The following ACTN2 variants were observed in gnomAD, a reference collection of about 807,000 sequenced individuals.
The protein encoded by ACTN2 is actinin alpha 2, also known as alpha-actinin-2.
A neutral mutation model predicts 113.8 loss-of-function variants in ACTN2; 39 were observed. The ratio of observed to expected loss-of-function variants is 0.34; its 90% CI spans 0.27 to 0.45. ACTN2 has a LOEUF of 0.45. ACTN2 is among the 20% of genes least tolerant of loss of function. The pLI, the probability that ACTN2 is intolerant of heterozygous loss-of-function variation, is 1.00. For missense variants in ACTN2, 992 were observed against 1,177.9 expected (o/e 0.84, Z 2.31); for synonymous variants, 429 against 444.1 (o/e 0.97, Z 0.43).
rs34975493 is a variant in ACTN2, at chr1:236,755,183, G to C, written c.2139G>C (p.Thr713=). ...CCCTTGTCTTTGACAACAAGCACAC[G>C]AACTACACGATGGAGGTACGGCAGC... ...QEALVFDNKH[T]NYTMEHIRVG... The change falls in exon 17 of 21, where the codon ACG becomes ACC. Residue 713 remains threonine (T), a synonymous_variant. Coordinates refer to ENST00000366578, the MANE Select transcript of ACTN2 (RefSeq NM_001103.4). The C allele has an allele frequency of 3.7e-6, 6 of 1,614,084 alleles. No individual in the cohort carries two copies. Among genetic ancestry groups the C allele is most frequent in the Non-Finnish European group, 5.1e-6 (6 of 1,180,036 alleles).
At chr1:236,725,774 A>G (rs1658531056) in intron 4 of ACTN2, among the ~76,000 whole-genome samples, 159 bp from the exon 5 acceptor site, 1 of 152,084 alleles carries the variant, frequency 6.6e-6, no homozygotes, top group Non-Finnish European at 1.5e-5. Context: ...GAATTTACTC[A>G]CCAAGATCAG....
intron 20 of ACTN2, among the ~76,000 whole-genome samples, chr1:236,761,791 G>A (rs1382250554): frequency 6.6e-6 from 1 of 152,152 alleles, no homozygotes; most frequent in Non-Finnish European, 1.5e-5. Context: ...TTCTGGCTGA[G>A]AGGATAATGA....
chr1:236,697,440 T>G (rs187864901), intron 1 of ACTN2, among the ~76,000 whole-genome samples: 1 of 152,282 alleles, frequency 6.6e-6, no homozygotes, highest in Non-Finnish European at 1.5e-5. Flanking sequence ...GCTGCAACTC[T>G]GAGGGGATAG....
At position 236,755,022 on chromosome 1, in the gene ACTN2, A is replaced by G. The variant is rs768670466; in HGVS notation, c.1978A>G (p.Ile660Val). 6.2e-7 allele frequency: 1 copy of G among 1,613,984 alleles called. No individual in the cohort carries two copies. The highest frequency in any genetic ancestry group is 8.5e-7 in the Non-Finnish European group (1 of 1,180,020). The change falls in exon 17 of 21, where the codon ATT becomes GTT. Residue 660 changes from isoleucine (I) to valine (V), a missense_variant. Physicochemically the swap from Ile to Val is conservative, Grantham distance 29 (BLOSUM62 3). Transcript: ENST00000366578. ...GPWIQNKMEE[I>V]ARSSIQITGA... ...CTTGCTCACTCGCCCCCCTCAGGAGATTGCCCGGAGCTCCATCCAGATCAC... is the reference window on the plus strand; with the variant it reads ...CTTGCTCACTCGCCCCCCTCAGGAGGTTGCCCGGAGCTCCATCCAGATCAC...
chr1:236,742,834 G>A lies in ACTN2; in HGVS notation c.1108-62G>A. 4.4e-6 allele frequency: 7 copies of A among 1,605,920 alleles called. 1 individual carries two copies. The South Asian group carries it at 5.5e-5, about 13-fold the overall frequency. ...AGGGATTTATAGAAGAAGCCTGAGA[G>A]GCCAGAATGTAACGAAGGTGCTTGT... On this transcript the variant is annotated intron_variant, in intron 10 of 20. Transcript: ENST00000366578.
rs1658342972 is a variant in ACTN2, at chr1:236,720,198, G to T, written c.448+7G>T. 1 of 1,604,420 alleles carries T rather than the reference G, an allele frequency of 6.2e-7. No individual in the cohort carries two copies. The highest frequency in any genetic ancestry group is 8.5e-7 in the Non-Finnish European group (1 of 1,171,118). On this transcript the variant is annotated splice_region_variant and intron_variant, in intron 4 of 20. Coordinates refer to ENST00000366578, the MANE Select transcript of ACTN2 (RefSeq NM_001103.4). ...CAGGATATTTCGGTTGAAGGTAAAA[G>T]ACATGGTTAAAAGTCTAATTGTATA...
intron 15 of ACTN2, 70 bp downstream of exon 15, chr1:236,751,722 C>G: frequency 6.3e-7 from 1 of 1,577,272 alleles, no homozygotes; most frequent in Non-Finnish European, 8.7e-7. Flanking sequence ...AGGAAGTTAA[C>G]GCCTCGGGGA....
At chr1:236,708,386 A>T (rs866457033) in intron 1 of ACTN2, among the ~76,000 whole-genome samples, 2 of 152,160 alleles carry the variant, frequency 1.3e-5, no homozygotes, top group South Asian at 2.1e-4. Flanking sequence ...TTGTGTGGAT[A>T]GTTGAAAGGT....
At chr1:236,689,338 T>TAC (rs1553295872) in intron 1 of ACTN2, among the ~76,000 whole-genome samples, 996 of 41,058 alleles carry the variant, frequency 0.024, 15 homozygotes, top group African/African-American at 0.042. Flanking sequence ...TATATATATA[T>TAC]ACACACACAT....
chr1:236,710,186 A>G (rs1479574329), intron 1 of ACTN2, among the ~76,000 whole-genome samples: 1 of 152,254 alleles, frequency 6.6e-6, no homozygotes, highest in Non-Finnish European at 1.5e-5. Flanking sequence ...GTCAAAGAGG[A>G]TGATGTAAAT....
Position 236,704,833 on chromosome 1 carries a change from C to T in ACTN2, c.127-13025C>T, listed in dbSNP as rs76135059. On this transcript the variant is annotated intron_variant, in intron 1 of 20. Transcript: ENST00000366578. ...TAGGCATAATTGAAGCTTGGAGAAC[C>T]GTGGGGAAATGTGATTGGACAAAAA... Among the ~76,000 whole-genome samples the T allele has an allele frequency of 6.9e-3, 1,052 of 152,176 alleles. 11 individuals carry two copies. The highest frequency in any genetic ancestry group is 0.023 in the African/African-American group (952 of 41,496).
At chr1:236,718,024 C>T in intron 2 of ACTN2, 52 bp downstream of exon 2, 1 of 1,400,204 alleles carries the variant, frequency 7.1e-7, no homozygotes, top group Non-Finnish European at 1.0e-6. Context: ...AGTAGGTGAG[C>T]ATCTATTTAA....
intron 1 of ACTN2, among the ~76,000 whole-genome samples, chr1:236,689,269 A>G (rs1371348411): frequency 1.3e-5 from 2 of 149,578 alleles, no homozygotes; most frequent in Non-Finnish European, 3.0e-5. Flanking sequence ...ACTCAAGGGT[A>G]GAAGAAAAAT....
In ACTN2 at chr1:236,761,466, C is replaced by T. The variant is rs114604633; in HGVS notation, c.2526+293C>T. Among the ~76,000 whole-genome samples, 312 of 145,200 alleles carry T rather than the reference C, an allele frequency of 2.1e-3. 2 individuals are homozygous for T. Among genetic ancestry groups the T allele is most frequent in the African/African-American group, 8.2e-3 (301 of 36,648 alleles). On this transcript the variant is annotated intron_variant, in intron 20 of 20. Transcript: ENST00000366578. ...GTGTGTGTGTGTGTGTGTATGTGCG[C>T]GCTACTGGTTCGACCCCTGTTTTAC...
rs922748849 is a variant in ACTN2, at chr1:236,739,487, C to T, written c.1062C>T (p.Ile354=). Residue 354 remains isoleucine (I), a synonymous_variant, in exon 10 of 21, where the codon ATC becomes ATT. Coordinates refer to ENST00000366578, the MANE Select transcript of ACTN2 (RefSeq NM_001103.4). ...NFNTLQTKLR[I]SNRPAFMPSE... ...ACACGCTGCAGACCAAGCTGCGGAT[C>T]AGCAACCGTCCTGCCTTCATGCCCT... 6.2e-7 allele frequency: 1 copy of T among 1,614,066 alleles called. No homozygotes were observed. Among genetic ancestry groups the T allele is most frequent in the African/African-American group, 1.3e-5 (1 of 74,928 alleles).
chr1:236,693,324 A>G (rs707201), intron 1 of ACTN2, among the ~76,000 whole-genome samples: 1 of 152,126 alleles, frequency 6.6e-6, no homozygotes, highest in Non-Finnish European at 1.5e-5. Context: ...TCATTTGGCA[A>G]ACATTTTTGT....
intron 19 of ACTN2, 72 bp from the exon 20 acceptor site, chr1:236,760,943 G>A: frequency 1.3e-6 from 2 of 1,589,390 alleles, no homozygotes; most frequent in Non-Finnish European, 1.7e-6. Context: ...TGTCACCAGG[G>A]AAAGAATGAA....
intron 15 of ACTN2, among the ~76,000 whole-genome samples, chr1:236,751,978 G>C (rs987061021): frequency 3.9e-5 from 6 of 152,086 alleles, no homozygotes; most frequent in African/African-American, 1.4e-4. Flanking sequence ...TTAAAAACTT[G>C]GTTACAAGTA....
In ACTN2 at chr1:236,743,027, C is replaced by T. The variant is rs771579640; in HGVS notation, c.1239C>T (p.His413=). ...AGTTCAGGCAGAAGGCCTCAACGCA[C>T]GAGACTTGGGCTTATGGTAAGTAGA... ...AEKFRQKAST[H]ETWAYGKEQI... is the part of the protein sequence containing the mutation. Residue 413 remains histidine, a synonymous_variant, in exon 11 of 21, where the codon CAC becomes CAT. Coordinates refer to ENST00000366578, the MANE Select transcript of ACTN2 (RefSeq NM_001103.4). 5.6e-6 allele frequency: 9 copies of T among 1,613,922 alleles called. No individual in the cohort carries two copies. Among genetic ancestry groups the T allele is most frequent in the Non-Finnish European group, 5.1e-6 (6 of 1,180,028 alleles).
Sources: allele counts gnomAD v4.1 joint callset (sites outside exome capture counted in the v4.1 genomes callset), GRCh38; gene constraint gnomAD v4.1.1; transcripts MANE v1.5; gene names NCBI Gene and HGNC (gene_info 2026-07-23, HGNC 2026-07-21).